The following MAN2A2 variants were observed in gnomAD, a reference collection of about 807,000 sequenced individuals.
MAN2A2 encodes alpha-mannosidase 2x.
In MAN2A2, 79 loss-of-function variants were observed where a neutral mutation model predicts 126.8. The observed-to-expected ratio is 0.62, with a 90% CI of 0.52 to 0.75. MAN2A2 has a LOEUF of 0.75. MAN2A2 is among the 30% of genes least tolerant of loss of function. The pLI, the probability that MAN2A2 is intolerant of heterozygous loss-of-function variation, is 0.00. For missense variants in MAN2A2, 1,392 were observed against 1,522.4 expected, an observed-to-expected ratio of 0.91 and a Z score of 1.43; for synonymous variants, 671 against 618.7, an observed-to-expected ratio of 1.08 and a Z score of -1.25.
At chr15:90,906,555 G>T (rs1402336317) in intron 6 of MAN2A2, 58 bp downstream of exon 6, 5 of 1,612,954 alleles carry the variant, frequency 3.1e-6, no homozygotes, top group South Asian at 2.2e-5. Flanking sequence ...ACAGGCAGGG[G>T]CTGTAAGGCA....
chr15:90,903,793 G>C (rs1386194053), intron 1 of MAN2A2: 2 of 313,592 alleles, frequency 6.4e-6, no homozygotes, highest in African/African-American at 2.2e-5. Flanking sequence ...AGTCTCTTTG[G>C]GTTCTGGCTA....
intron 21 of MAN2A2, 38 bp from the exon 22 acceptor site, chr15:90,918,607 C>A: frequency 1.4e-6 from 2 of 1,403,410 alleles, no homozygotes; most frequent in Non-Finnish European, 2.0e-6. Context: ...TCTCTGAAAG[C>A]CCTGCGCCCA....
rs756046592 is a variant in MAN2A2, at chr15:90,918,300, C to A, written c.3101C>A (p.Pro1034Gln). The A allele has an allele frequency of 6.2e-7, 1 of 1,614,222 alleles. No homozygotes were observed. The highest frequency in any genetic ancestry group is 1.7e-5 in the Admixed American group (1 of 60,036). Residue 1034 changes from proline (P) to glutamine (Q), a missense_variant, in exon 21 of 23, where the codon CCA (proline) becomes CAA (glutamine). Transcript: ENST00000559717. ...CTGCCTGTAGCCAGGATGCAGCTCCCAGGCCCTGGTCTGCGCTCATTTCAT... is the reference window on the plus strand; with the variant it reads ...CTGCCTGTAGCCAGGATGCAGCTCCAAGGCCCTGGTCTGCGCTCATTTCAT... ...LALPVARMQL[P>Q]GPGLRSFHPL... is the part of the protein sequence containing the mutation.
Position 90,909,350 on chromosome 15 carries a change from A to T in MAN2A2, c.1220A>T (p.Tyr407Phe). ...AERAALLLDQ[Y>F]RKKSQLFRSN... ...AGGGCAGCCCTGCTTCTGGACCAAT[A>T]CCGGAAGAAGTCCCAGCTGTTCCGA... Residue 407 changes from tyrosine to phenylalanine, a missense_variant, in exon 9 of 23, where the codon TAC (tyrosine) becomes TTC (phenylalanine). Tyr to Phe is a conservative substitution (Grantham distance 22). Coordinates refer to ENST00000559717, the MANE Select transcript of MAN2A2 (RefSeq NM_006122.4). 6.2e-7 allele frequency: 1 copy of T among 1,612,942 alleles called. No homozygotes were observed. The highest frequency in any genetic ancestry group is 1.1e-5 in the South Asian group (1 of 91,042).
intron 19 of MAN2A2, among the ~76,000 whole-genome samples, chr15:90,913,990 G>C (rs1266490): frequency 0.56 from 85,321 of 152,038 alleles, 26,084 homozygotes; most frequent in East Asian, 0.99. Context: ...CCTACTGGAT[G>C]CCCTGAAGAA....
chr15:90,918,112 C>G, intron 20 of MAN2A2, 82 bp from the exon 21 acceptor site: 1 of 1,338,092 alleles, frequency 7.5e-7, no homozygotes, highest in Non-Finnish European at 1.1e-6. Context: ...AACAACTGAC[C>G]TGGGTGTGCT....
intron 8 of MAN2A2, among the ~76,000 whole-genome samples, chr15:90,908,945 A>G (rs1281328412): frequency 1.3e-5 from 2 of 152,182 alleles, no homozygotes; most frequent in Non-Finnish European, 2.9e-5. Context: ...TTTGCTAGAA[A>G]TGGAGGCTCA....
At position 90,916,224 on chromosome 15, in the gene MAN2A2, C is replaced by G; in HGVS notation, c.2962C>G (p.Leu988Val). The change falls in exon 20 of 23, where the codon CTC (leucine) becomes GTC (valine). Residue 988 changes from leucine to valine, a missense_variant. Coordinates refer to ENST00000559717, the MANE Select transcript of MAN2A2 (RefSeq NM_006122.4). Reference sequence around the variant, plus strand: ...CAAGAGAACCTGCAACCGTTTCCGCCTCCTGCTAGAGCGGCGAACCGTGGG... The same window carrying G: ...CAAGAGAACCTGCAACCGTTTCCGCGTCCTGCTAGAGCGGCGAACCGTGGG... ...DNKRTCNRFR[L>V]LLERRTVGSE... 1 of 1,614,134 alleles carries G rather than the reference C, an allele frequency of 6.2e-7. No individual in the cohort carries two copies.
chr15:90,916,406 G>A (rs2035187727), intron 20 of MAN2A2, 150 bp downstream of exon 20: 2 of 1,178,116 alleles, frequency 1.7e-6, no homozygotes, highest in Non-Finnish European at 2.4e-6. Flanking sequence ...GAGGCAGTCT[G>A]GCGTTTTGTG....
At chr15:90,916,327 T>C in intron 20 of MAN2A2, 71 bp downstream of exon 20, 4 of 1,561,506 alleles carry the variant, frequency 2.6e-6, no homozygotes, top group East Asian at 2.3e-5. Flanking sequence ...GGGTCCAGCC[T>C]AGGGCTCGAG....
intron 7 of MAN2A2, 21 bp from the exon 8 acceptor site, chr15:90,907,288 C>T: frequency 1.2e-6 from 2 of 1,607,992 alleles, no homozygotes; most frequent in Non-Finnish European, 8.5e-7. Flanking sequence ...TGGTGGTGAC[C>T]ACGTGGTGTG....
intron 22 of MAN2A2, among the ~76,000 whole-genome samples, chr15:90,919,056 C>T (rs2035403541): frequency 6.6e-6 from 1 of 152,206 alleles, no homozygotes. Flanking sequence ...TCATATCAGC[C>T]GGCACTGATA....
chr15:90,918,892 C>CG, intron 22 of MAN2A2, 137 bp downstream of exon 22: 1 of 674,910 alleles, frequency 1.5e-6, no homozygotes, highest in Non-Finnish European at 2.6e-6. Context: ...AAGCTGTAGA[C>CG]ATGTTTTCAG....
chr15:90,910,609 A>G lies in MAN2A2; in HGVS notation c.1686A>G (p.Thr562=), dbSNP rs1442244189. ...CCCTCCTGACGGAAGCTCGGCGCAC[A>G]TTGGGGCTCTTCCAGCATCACGATG... ...DFTLLTEARR[T]LGLFQHHDAI... The change falls in exon 11 of 23, where the codon ACA becomes ACG. Residue 562 remains threonine (T), a synonymous_variant. Coordinates refer to ENST00000559717, the MANE Select transcript of MAN2A2 (RefSeq NM_006122.4). 3.7e-6 allele frequency: 6 copies of G among 1,613,990 alleles called. No homozygotes were observed. The Admixed American group carries it at 8.3e-5, about 22-fold the overall frequency.
chr15:90,922,063 TATA>T lies in MAN2A2; in HGVS notation c.*2281_*2283del, dbSNP rs2035567197. Reference sequence around the variant, plus strand: ...AAACTTTAACATGAGACTTAAAAGATATAATAAGGGAAAAGATAAGCAGATTTC... The same window carrying T: ...AAACTTTAACATGAGACTTAAAAGATATAAGGGAAAAGATAAGCAGATTTC... On this transcript the variant is annotated 3_prime_UTR_variant, in exon 23 of 23. Coordinates refer to ENST00000559717, the MANE Select transcript of MAN2A2 (RefSeq NM_006122.4). 1 of 152,114 alleles carries T rather than the reference TATA, an allele frequency of 6.6e-6. No homozygotes were observed. The highest frequency in any genetic ancestry group is 2.4e-5 in the African/African-American group (1 of 41,406). The allele number at this position is 152,114 out of a possible 1,614,324, so 9.4% of individuals were successfully genotyped here.
Position 90,912,160 on chromosome 15 carries a change from C to T in MAN2A2, c.2227C>T (p.Leu743=). ...SVRIYLHGRQ[L]SVSRHEAFPL... ...GCGCATCTACCTGCACGGCCGGCAGCTGTCCGTCAGCAGGCACGAAGCGTT... is the reference window on the plus strand; with the variant it reads ...GCGCATCTACCTGCACGGCCGGCAGTTGTCCGTCAGCAGGCACGAAGCGTT... Residue 743 remains leucine (L), a synonymous_variant, in exon 15 of 23, where the codon CTG becomes TTG. Transcript: ENST00000559717. 1.9e-6 allele frequency: 3 copies of T among 1,614,004 alleles called. No homozygotes were observed. The highest frequency in any genetic ancestry group is 2.2e-5 in the East Asian group (1 of 44,888).
rs1220237062 is a variant in MAN2A2, at chr15:90,916,596, T to A, written c.2994+340T>A. 3.0e-6 allele frequency: 4 copies of A among 1,334,298 alleles called. No homozygotes were observed. The African/African-American group carries it at 5.9e-5, about 20-fold the overall frequency. The allele number at this position is 1,334,298 out of a possible 1,614,324, so 82.7% of individuals were successfully genotyped here. A position where few individuals can be genotyped will look rare whatever the true frequency, so the allele number is the denominator to read the frequency against. ...TCTTTGCCCCACCAGCCTGACTTTT[T>A]CTCCAAACTGGCAGCCATGTTTAGG... is the stretch of plus-strand genomic sequence containing the variant. On this transcript the variant is annotated intron_variant, in intron 20 of 22. Transcript: ENST00000559717.
chr15:90,917,833 C>G (rs1010205693), intron 20 of MAN2A2: 1 of 204,366 alleles, frequency 4.9e-6, no homozygotes, highest in Non-Finnish European at 1.0e-5. Flanking sequence ...ATTGGAGGTC[C>G]GTGCTCCATG....
At chr15:90,916,605 T>A (rs1328035869) in intron 20 of MAN2A2, 2 of 1,322,530 alleles carry the variant, frequency 1.5e-6, no homozygotes, top group Non-Finnish European at 2.0e-6. Context: ...TTCTCCAAAC[T>A]GGCAGCCATG....
Sources: allele counts gnomAD v4.1 joint callset (sites outside exome capture counted in the v4.1 genomes callset), GRCh38; gene constraint gnomAD v4.1.1; transcripts MANE v1.5; gene names NCBI Gene and HGNC (gene_info 2026-07-23, HGNC 2026-07-21).